WDFY1: variants seen among roughly 807,000 people sequenced by gnomAD.
WDFY1 encodes the protein WD repeat and FYVE domain-containing protein 1.
WDFY1 carries 32 observed loss-of-function variants against 56.4 expected under a neutral mutation model. The observed-to-expected ratio is 0.57, with a 90% CI of 0.43 to 0.76. The LOEUF is 0.76. WDFY1 is among the 30% of genes least tolerant of loss of function. WDFY1 has a pLI of 0.00. For synonymous variants in WDFY1, 192 were observed against 197.3 expected (o/e 0.97, Z 0.23); for missense variants, 480 against 545.7 (o/e 0.88, Z 1.20).
At chr2:223,908,452 C>T (rs1261064965) in intron 3 of WDFY1, among the ~76,000 whole-genome samples, 1 of 152,188 alleles carries the variant, frequency 6.6e-6, no homozygotes, top group Admixed American at 6.5e-5. Flanking sequence ...CTGCCCTTGA[C>T]ACCTTTACTC....
intron 5 of WDFY1, chr2:223,900,746 C>G (rs539982314): frequency 3.8e-4 from 60 of 159,592 alleles, no homozygotes; most frequent in Admixed American, 6.2e-4. Context: ...CTTACAGAGT[C>G]TGCAAATAAC....
chr2:223,885,782 AG>A (rs1693163694), intron 8 of WDFY1, among the ~76,000 whole-genome samples: 1 of 152,130 alleles, frequency 6.6e-6, no homozygotes, highest in Non-Finnish European at 1.5e-5. Flanking sequence ...TGCTCTGGGT[AG>A]GGACTATGCC....
At chr2:223,900,254 A>G (rs1693482889) in intron 5 of WDFY1, among the ~76,000 whole-genome samples, 2 of 152,218 alleles carry the variant, frequency 1.3e-5, no homozygotes, top group African/African-American at 4.8e-5. Context: ...GCACGTAACA[A>G]AAACGCTTAT....
chr2:223,930,759 G>GT (rs1264176871), intron 1 of WDFY1, among the ~76,000 whole-genome samples: 1 of 152,154 alleles, frequency 6.6e-6, no homozygotes, highest in African/African-American at 2.4e-5. Flanking sequence ...TGAACCACAG[G>GT]GGCCAGCCTA....
intron 1 of WDFY1, among the ~76,000 whole-genome samples, chr2:223,936,741 T>C (rs897676157): frequency 1.3e-5 from 2 of 152,214 alleles, no homozygotes; most frequent in African/African-American, 4.8e-5. Context: ...ATAAAATATG[T>C]GGTTTATGTT....
chr2:223,887,355 C>T (rs919503490), intron 8 of WDFY1, among the ~76,000 whole-genome samples: 1 of 152,158 alleles, frequency 6.6e-6, no homozygotes, highest in African/African-American at 2.4e-5. Flanking sequence ...AAAAGCAGCA[C>T]AAAAATGTAT....
At chr2:223,914,404 A>C (rs577598472) in intron 2 of WDFY1, among the ~76,000 whole-genome samples, 7 of 152,334 alleles carry the variant, frequency 4.6e-5, no homozygotes, top group African/African-American at 1.4e-4. Context: ...TTTGTTAATA[A>C]ATAGTTTTTT....
intron 1 of WDFY1, among the ~76,000 whole-genome samples, chr2:223,936,500 G>A (rs80168321): frequency 4.9e-4 from 74 of 152,344 alleles, no homozygotes; most frequent in African/African-American, 1.7e-3. Flanking sequence ...ACTCAGGGAA[G>A]CCAGTTAATA....
chr2:223,892,522 G>T (rs767585201), intron 8 of WDFY1, among the ~76,000 whole-genome samples: 29 of 152,058 alleles, frequency 1.9e-4, no homozygotes, highest in Non-Finnish European at 3.8e-4. Flanking sequence ...TTTCTTGTGG[G>T]CAAGTATCTT....
chr2:223,895,368 G>T, intron 7 of WDFY1, 136 bp downstream of exon 7: 1 of 1,319,148 alleles, frequency 7.6e-7, no homozygotes, highest in Non-Finnish European at 1.1e-6. Flanking sequence ...GCAGTTAAAA[G>T]TGAACTGAGC....
At chr2:223,902,840 C>G (rs561223687) in intron 4 of WDFY1, among the ~76,000 whole-genome samples, 1 of 151,478 alleles carries the variant, frequency 6.6e-6, no homozygotes, top group Admixed American at 6.6e-5. Flanking sequence ...TTAATTTGGT[C>G]TGTCTCACTC....
At chr2:223,883,586 A>G (rs756584236) in intron 9 of WDFY1, among the ~76,000 whole-genome samples, 2 of 148,668 alleles carry the variant, frequency 1.3e-5, no homozygotes, top group African/African-American at 5.0e-5. Context: ...CTTGCCTGCC[A>G]GTCTCATATG....
At chr2:223,897,351 CATATATATATAT>C (rs1194128689) in intron 6 of WDFY1, among the ~76,000 whole-genome samples, 7 of 53,676 alleles carry the variant, frequency 1.3e-4, no homozygotes, top group East Asian at 5.7e-4. Context: ...CTAAATTTCG[CATATATATATAT>C]ATATATATAT....
At chr2:223,912,799 T>A (rs1294924166) in intron 2 of WDFY1, among the ~76,000 whole-genome samples, 1 of 152,132 alleles carries the variant, frequency 6.6e-6, no homozygotes, top group African/African-American at 2.4e-5. Context: ...CATATGTGAG[T>A]TGTGAAGTGC....
intron 1 of WDFY1, among the ~76,000 whole-genome samples, chr2:223,920,871 G>A (rs1458606256): frequency 1.3e-5 from 2 of 152,206 alleles, no homozygotes; most frequent in Admixed American, 1.3e-4. Context: ...GGCTATCCTC[G>A]CCTTCAGCTA....
At chr2:223,886,925 G>T (rs585147) in intron 8 of WDFY1, among the ~76,000 whole-genome samples, 141,479 of 152,100 alleles carry the variant, frequency 0.93, 65,869 homozygotes, top group South Asian at 0.96. Context: ...ATTTTAGATC[G>T]GTCACTAGAA....
chr2:223,893,182 A>G (rs1693306827), intron 8 of WDFY1, among the ~76,000 whole-genome samples: 1 of 152,104 alleles, frequency 6.6e-6, no homozygotes, highest in Non-Finnish European at 1.5e-5. Context: ...CAATCACACA[A>G]TGACAAGGTC....
At position 223,933,388 on chromosome 2, in the gene WDFY1, T is replaced by A. The variant is rs182207268; in HGVS notation, c.137+11760A>T. On this transcript the variant is annotated intron_variant, in intron 1 of 11. Transcript: ENST00000233055. Reference sequence around the variant, plus strand: ...TTACTCCAAACCATTCTTGCTGTAATCTTTTCACTGTTAGCATAAAAATAA... The same window carrying A: ...TTACTCCAAACCATTCTTGCTGTAAACTTTTCACTGTTAGCATAAAAATAA... Among the ~76,000 whole-genome samples, 639 of 152,100 alleles carry A rather than the reference T, an allele frequency of 4.2e-3. 5 individuals carry two copies. Among genetic ancestry groups the A allele is most frequent in the Middle Eastern group, 6.8e-3 (2 of 292 alleles).
At chr2:223,880,062 C>A in intron 11 of WDFY1, 62 bp downstream of exon 11, 2 of 1,380,080 alleles carry the variant, frequency 1.4e-6, no homozygotes, top group South Asian at 1.2e-5. Flanking sequence ...GTCTCCTGCA[C>A]ATTCACAGCA....
Sources: allele counts gnomAD v4.1 joint callset (sites outside exome capture counted in the v4.1 genomes callset), GRCh38; gene constraint gnomAD v4.1.1; transcripts MANE v1.5; gene names NCBI Gene and HGNC (gene_info 2026-07-23, HGNC 2026-07-21).